ELOVL7: variants seen among roughly 807,000 people sequenced by gnomAD.
The protein encoded by ELOVL7 is ELOVL fatty acid elongase 7, also known as very long chain fatty acid elongase 7.
ELOVL7 carries 27 observed loss-of-function variants against 35.7 expected under a neutral mutation model. That is an observed-to-expected ratio of 0.76 (90% CI 0.56 to 1.04). The LOEUF is 1.04. ELOVL7 is among the 50% of genes least tolerant of loss of function. The probability of loss-of-function intolerance (pLI) is 0.00; values close to 1 mark genes in which losing one functional copy is unlikely to be tolerated. For synonymous variants in ELOVL7, 113 were observed against 114.6 expected (o/e 0.99, Z 0.09); for missense variants, 327 against 340.8 (o/e 0.96, Z 0.32).
intron 2 of ELOVL7, among the ~76,000 whole-genome samples, chr5:60,793,079 A>G (rs1458882792): frequency 2.0e-5 from 3 of 152,142 alleles, no homozygotes; most frequent in Non-Finnish European, 2.9e-5. Context: ...AGAAGACTGA[A>G]GAGATACTAT....
intron 1 of ELOVL7, among the ~76,000 whole-genome samples, chr5:60,830,665 TA>T (rs1746432569): frequency 6.6e-6 from 1 of 151,668 alleles, no homozygotes; most frequent in African/African-American, 2.4e-5. Flanking sequence ...AAATTTATAG[TA>T]AAATACAAAT....
intron 1 of ELOVL7, among the ~76,000 whole-genome samples, chr5:60,825,910 G>A (rs907860999): frequency 6.6e-6 from 1 of 152,250 alleles, no homozygotes. Flanking sequence ...CCTGCCTTGA[G>A]ACAAGCAAGA....
intron 1 of ELOVL7, among the ~76,000 whole-genome samples, chr5:60,819,067 AGGGGAGGGGAGGGGAGGGGAGG>A (rs1745723705): frequency 4.6e-3 from 1 of 216 alleles, no homozygotes; most frequent in Non-Finnish European, 0.011. Context: ...AGGGGAGGGG[AGGGGAGGGGAGGGGAGGGGAGG>A]GGAGGGGAGG....
intron 3 of ELOVL7, among the ~76,000 whole-genome samples, chr5:60,780,646 A>G (rs2112213939): frequency 6.6e-6 from 1 of 152,304 alleles, no homozygotes; most frequent in Admixed American, 6.5e-5. Flanking sequence ...GGGAGGCCTC[A>G]GGAAACTTAC....
rs114656426 is a variant in ELOVL7 at position 60,821,242 on chromosome 5, C to A, written c.-85-22012G>T. On this transcript the variant is annotated intron_variant, in intron 1 of 8. Transcript: ENST00000508821. ...TAAAAAGTCTAACTCTGTGGTGACGCTTAGCACCCTTCTAATCTCTAGCAG... is the reference window on the plus strand; with the variant it reads ...TAAAAAGTCTAACTCTGTGGTGACGATTAGCACCCTTCTAATCTCTAGCAG... Among the ~76,000 whole-genome samples, 1,251 of 152,274 alleles carry A rather than the reference C, an allele frequency of 8.2e-3. 15 individuals are homozygous for A. Among genetic ancestry groups the A allele is most frequent in the African/African-American group, 0.028 (1,182 of 41,546 alleles).
chr5:60,832,015 A>C (rs1472682142), intron 1 of ELOVL7, among the ~76,000 whole-genome samples: 1 of 152,248 alleles, frequency 6.6e-6, no homozygotes, highest in Non-Finnish European at 1.5e-5. Context: ...TTACTATTTC[A>C]TAAGCATATC....
At chr5:60,762,915 A>T (rs893769449) in intron 7 of ELOVL7, among the ~76,000 whole-genome samples, 10 of 152,206 alleles carry the variant, frequency 6.6e-5, no homozygotes, top group Non-Finnish European at 1.5e-4. Flanking sequence ...AGTTTTTCAC[A>T]AACACCAATA....
At chr5:60,770,078 T>C (rs1263731336) in intron 4 of ELOVL7, among the ~76,000 whole-genome samples, 1 of 151,070 alleles carries the variant, frequency 6.6e-6, no homozygotes, top group Non-Finnish European at 1.5e-5. Flanking sequence ...AAGAATTCCC[T>C]GAATTCAGAA....
At chr5:60,814,461 T>C (rs1451577887) in intron 1 of ELOVL7, among the ~76,000 whole-genome samples, 1 of 152,152 alleles carries the variant, frequency 6.6e-6, no homozygotes, top group Non-Finnish European at 1.5e-5. Context: ...AACCAACTAT[T>C]GTCTCTACTT....
At chr5:60,832,153 C>T (rs1437305193) in intron 1 of ELOVL7, among the ~76,000 whole-genome samples, 9 of 152,156 alleles carry the variant, frequency 5.9e-5, no homozygotes, top group Admixed American at 5.9e-4. Flanking sequence ...TGCCAGCCAC[C>T]ACTCAGGTGA....
intron 3 of ELOVL7, among the ~76,000 whole-genome samples, chr5:60,779,125 T>C (rs1035940846): frequency 7.2e-5 from 11 of 152,202 alleles, no homozygotes; most frequent in African/African-American, 2.7e-4. Flanking sequence ...CTCTGTGGCT[T>C]TGCAGGGTAC....
chr5:60,817,848 G>GTGTA (rs1208248392), intron 1 of ELOVL7, among the ~76,000 whole-genome samples: 6 of 143,212 alleles, frequency 4.2e-5, no homozygotes, highest in African/African-American at 1.0e-4. Context: ...GTGTGTGTGT[G>GTGTA]TATATATATA....
intron 1 of ELOVL7, among the ~76,000 whole-genome samples, chr5:60,804,537 A>C (rs1744820725): frequency 6.6e-6 from 1 of 152,202 alleles, no homozygotes; most frequent in Admixed American, 6.5e-5. Flanking sequence ...AAAGCATCTT[A>C]AAAACTGTAC....
chr5:60,830,138 G>C (rs981911459), intron 1 of ELOVL7, among the ~76,000 whole-genome samples: 1 of 152,078 alleles, frequency 6.6e-6, no homozygotes, highest in Admixed American at 6.5e-5. Flanking sequence ...GAAACTGTCA[G>C]GTCCTTGGGG....
At chr5:60,841,326 T>G (rs577698600) in intron 1 of ELOVL7, among the ~76,000 whole-genome samples, 1 of 152,280 alleles carries the variant, frequency 6.6e-6, no homozygotes, top group East Asian at 1.9e-4. Flanking sequence ...GTGCCCAGCC[T>G]GAGAATACTA....
intron 1 of ELOVL7, among the ~76,000 whole-genome samples, chr5:60,799,997 A>T (rs564186748): frequency 1.3e-4 from 18 of 141,788 alleles, no homozygotes; most frequent in African/African-American, 4.7e-4. Flanking sequence ...AGATCACGCT[A>T]TTGCACACCA....
intron 3 of ELOVL7, among the ~76,000 whole-genome samples, chr5:60,785,268 T>C (rs1743508441): frequency 6.6e-6 from 1 of 152,180 alleles, no homozygotes; most frequent in Admixed American, 6.5e-5. Context: ...AGGACTCCAC[T>C]CCACATCTAA....
chr5:60,843,437 A>C (rs1471198688), intron 1 of ELOVL7: 1 of 152,192 alleles, frequency 6.6e-6, no homozygotes, highest in Admixed American at 6.5e-5. Context: ...ACGACAAAAC[A>C]ACAGGCTTTC....
chr5:60,775,746 T>C (rs1742865019), intron 3 of ELOVL7, among the ~76,000 whole-genome samples: 2 of 152,190 alleles, frequency 1.3e-5, no homozygotes, highest in African/African-American at 4.8e-5. Flanking sequence ...CCCTATTCAA[T>C]AGATGGTGCT....
Sources: gnomAD v4.1 joint callset for allele counts (sites outside exome capture counted in the v4.1 genomes callset) on GRCh38, gnomAD v4.1.1 for gene constraint, MANE v1.5 for transcripts, NCBI Gene and HGNC (gene_info 2026-07-23, HGNC 2026-07-21) for gene names.